TNR: variants seen among roughly 807,000 people sequenced by gnomAD.
TNR encodes the protein tenascin-R.
In TNR, 45 loss-of-function variants were observed where a neutral mutation model predicts 150.4. The observed-to-expected ratio is 0.30, with a 90% CI of 0.24 to 0.38. The LOEUF (loss-of-function observed/expected upper bound fraction) is 0.38, where lower values mean the gene tolerates loss of function less well. Ranked by LOEUF, TNR falls within the 10% of genes least tolerant of loss-of-function variation. The pLI is 1.00. For synonymous variants in TNR, 687 were observed against 678.4 expected (o/e 1.01, Z -0.20); for missense variants, 1,544 against 1,759.1 (o/e 0.88, Z 2.19).
At chr1:175,336,733 G>C (rs1475714207) in intron 19 of TNR, among the ~76,000 whole-genome samples, 1 of 152,208 alleles carries the variant, frequency 6.6e-6, no homozygotes, top group African/African-American at 2.4e-5. Context: ...AAGAACCAGG[G>C]AGACCCCAGG....
chr1:175,453,636 C>A (rs1454266089), intron 2 of TNR, among the ~76,000 whole-genome samples: 1 of 152,126 alleles, frequency 6.6e-6, no homozygotes, highest in African/African-American at 2.4e-5. Flanking sequence ...TTATAGCTTA[C>A]CACAGCCTTG....
chr1:175,685,209 T>A (rs183542435), intron 1 of TNR, among the ~76,000 whole-genome samples: 1 of 152,222 alleles, frequency 6.6e-6, no homozygotes, highest in Non-Finnish European at 1.5e-5. Context: ...CCTCAGTAAT[T>A]GATCTTCAAT....
rs139408281 is a variant in TNR at position 175,395,577 on chromosome 1, A to G, written c.1240+967T>C. On this transcript the variant is annotated intron_variant, in intron 5 of 22. Transcript: ENST00000367674. ...ACAGCCCCTTTTTCATGATCTCTCC[A>G]AAGACTTTCCACATAAGGCACAGAG... Among the ~76,000 whole-genome samples the G allele has an allele frequency of 1.2e-3, 173 of 146,398 alleles. 2 individuals carry two copies. Among genetic ancestry groups the G allele is most frequent in the African/African-American group, 4.2e-3 (163 of 39,014 alleles).
intron 9 of TNR, among the ~76,000 whole-genome samples, chr1:175,376,214 A>T (rs1652369574): frequency 6.6e-6 from 1 of 152,104 alleles, no homozygotes; most frequent in Non-Finnish European, 1.5e-5. Context: ...GGCCACATGG[A>T]CTAAAGGAGG....
chr1:175,616,206 A>T (rs1024338557), intron 1 of TNR, among the ~76,000 whole-genome samples: 1 of 151,912 alleles, frequency 6.6e-6, no homozygotes, highest in South Asian at 2.1e-4. Context: ...TCTCTGGGGG[A>T]TGCATTTTAT....
chr1:175,555,906 C>G (rs1486006693), intron 1 of TNR, among the ~76,000 whole-genome samples: 1 of 152,142 alleles, frequency 6.6e-6, no homozygotes, highest in East Asian at 1.9e-4. Context: ...CATCTTAGTG[C>G]CAGCTTTACA....
At chr1:175,590,649 T>G (rs565385686) in intron 1 of TNR, among the ~76,000 whole-genome samples, 3 of 152,142 alleles carry the variant, frequency 2.0e-5, no homozygotes, top group African/African-American at 7.2e-5. Context: ...TCAGTTGAGG[T>G]GGGTGGCCAG....
chr1:175,691,911 AAGC>A (rs1666379296), intron 1 of TNR, among the ~76,000 whole-genome samples: 1 of 152,122 alleles, frequency 6.6e-6, no homozygotes, highest in African/African-American at 2.4e-5. Flanking sequence ...AGACTCATCC[AAGC>A]CTCACCTCCT....
chr1:175,494,318 G>A (rs1356610071), intron 2 of TNR, among the ~76,000 whole-genome samples: 5 of 152,264 alleles, frequency 3.3e-5, no homozygotes, highest in Non-Finnish European at 7.3e-5. Flanking sequence ...CCCTCTGTCT[G>A]AATGTTAATC....
chr1:175,658,273 C>CT (rs1665253703), intron 1 of TNR, among the ~76,000 whole-genome samples: 1 of 152,090 alleles, frequency 6.6e-6, no homozygotes, highest in African/African-American at 2.4e-5. Flanking sequence ...TTTCCTTTGA[C>CT]TTTATGGGGA....
intron 1 of TNR, among the ~76,000 whole-genome samples, chr1:175,664,543 GA>G (rs1308504570): frequency 6.6e-6 from 1 of 152,158 alleles, no homozygotes; most frequent in African/African-American, 2.4e-5. Context: ...AGGCTACTCT[GA>G]AAAAATCAGG....
intron 1 of TNR, among the ~76,000 whole-genome samples, chr1:175,555,748 T>C (rs1436582251): frequency 6.6e-6 from 1 of 152,162 alleles, no homozygotes; most frequent in Non-Finnish European, 1.5e-5. Flanking sequence ...TACTTTACTA[T>C]TAATGAAAAA....
chr1:175,398,943 T>A (rs1011731506), intron 4 of TNR, among the ~76,000 whole-genome samples: 4 of 152,232 alleles, frequency 2.6e-5, no homozygotes, highest in African/African-American at 7.2e-5. Flanking sequence ...GGTTAAGGGA[T>A]GTGCCAAAAG....
In TNR at chr1:175,319,437, T is replaced by C. The variant is rs1198221974; in HGVS notation, c.*3920A>G. The C allele has an allele frequency of 6.6e-6, 1 of 152,222 alleles. No homozygotes were observed. Among genetic ancestry groups the C allele is most frequent in the Non-Finnish European group, 1.5e-5 (1 of 68,046 alleles). 9.4% of individuals were successfully genotyped at this position (152,222 alleles called of 1,614,324 possible). A position where few individuals can be genotyped will look rare whatever the true frequency, so the allele number is the denominator to read the frequency against. On this transcript the variant is annotated 3_prime_UTR_variant, in exon 23 of 23. Transcript: ENST00000367674. Reference sequence around the variant, plus strand: ...TACAGCTCTGCTCTGAGACTGGATTTGAAAAGTAAAAATGTGATTAGGATT... The same window carrying C: ...TACAGCTCTGCTCTGAGACTGGATTCGAAAAGTAAAAATGTGATTAGGATT...
intron 15 of TNR, among the ~76,000 whole-genome samples, chr1:175,357,706 C>G (rs751488527): frequency 6.6e-6 from 1 of 152,136 alleles, no homozygotes; most frequent in Admixed American, 6.5e-5. Flanking sequence ...CACCTTGACC[C>G]TATTCATAGT....
chr1:175,461,588 C>T (rs1025911306), intron 2 of TNR, among the ~76,000 whole-genome samples: 5 of 152,170 alleles, frequency 3.3e-5, no homozygotes, highest in Admixed American at 6.5e-5. Context: ...TTAAATGTTA[C>T]TTTCATCCTC....
At chr1:175,414,453 G>A (rs1654347250) in intron 2 of TNR, among the ~76,000 whole-genome samples, 1 of 152,178 alleles carries the variant, frequency 6.6e-6, no homozygotes, top group Admixed American at 6.5e-5. Context: ...GATGGTTAAT[G>A]ACCCTACAAA....
chr1:175,436,270 T>C (rs1014259937), intron 2 of TNR, among the ~76,000 whole-genome samples: 3 of 152,246 alleles, frequency 2.0e-5, no homozygotes, highest in East Asian at 1.9e-4. Flanking sequence ...CACTTTCAGG[T>C]ACACCAATCA....
At chr1:175,569,533 CAG>C (rs1391638233) in intron 1 of TNR, among the ~76,000 whole-genome samples, 1 of 152,128 alleles carries the variant, frequency 6.6e-6, no homozygotes, top group Non-Finnish European at 1.5e-5. Context: ...AAAGAAAAAC[CAG>C]TGTAAAACCA....
Sources: gnomAD v4.1 joint callset for allele counts (sites outside exome capture counted in the v4.1 genomes callset) on GRCh38, gnomAD v4.1.1 for gene constraint, MANE v1.5 for transcripts, NCBI Gene and HGNC (gene_info 2026-07-23, HGNC 2026-07-21) for gene names.